Variants in MMP16 observed in about 807,000 individuals in gnomAD.
The protein encoded by MMP16 is matrix metalloproteinase-16.
MMP16 carries 12 observed loss-of-function variants against 67.8 expected under a neutral mutation model. The ratio of observed to expected loss-of-function variants is 0.18; its 90% confidence interval spans 0.11 to 0.29. MMP16 has a LOEUF of 0.29. Ranked by LOEUF, MMP16 falls within the 10% of genes least tolerant of loss-of-function variation. MMP16 has a pLI of 1.00. For synonymous variants in MMP16, 249 were observed against 255.9 expected (o/e 0.97, Z 0.26); for missense variants, 475 against 765.7 (o/e 0.62, Z 4.48).
intron 4 of MMP16, among the ~76,000 whole-genome samples, chr8:88,120,783 G>A (rs1319508845): frequency 1.3e-5 from 2 of 151,786 alleles, no homozygotes; most frequent in Non-Finnish European, 2.9e-5. Flanking sequence ...CAAAACTGAT[G>A]CAACTTCTTG....
chr8:88,322,623 G>A (rs757772585), intron 1 of MMP16, among the ~76,000 whole-genome samples: 12 of 151,680 alleles, frequency 7.9e-5, no homozygotes, highest in Non-Finnish European at 1.5e-4. Context: ...GAGCTCAGGA[G>A]TTTGAGACCA....
intron 3 of MMP16, among the ~76,000 whole-genome samples, chr8:88,170,089 T>A (rs1808775711): frequency 6.6e-6 from 1 of 152,148 alleles, no homozygotes; most frequent in African/African-American, 2.4e-5. Context: ...GTATTTTGGA[T>A]ATATTTTGAG....
At chr8:88,099,970 T>C (rs1809111362) in intron 6 of MMP16, among the ~76,000 whole-genome samples, 1 of 151,864 alleles carries the variant, frequency 6.6e-6, no homozygotes, top group Admixed American at 6.6e-5. Context: ...ACAAAGATTC[T>C]CCTCATACAG....
chr8:88,320,719 T>C (rs1811446068), intron 1 of MMP16, among the ~76,000 whole-genome samples: 1 of 152,160 alleles, frequency 6.6e-6, no homozygotes, highest in Non-Finnish European at 1.5e-5. Context: ...TAAACCAAGT[T>C]CTTCCAAGCC....
At chr8:88,187,742 T>C (rs757784832) in intron 2 of MMP16, among the ~76,000 whole-genome samples, 1 of 152,230 alleles carries the variant, frequency 6.6e-6, no homozygotes, top group African/African-American at 2.4e-5. Context: ...TAATAACTTT[T>C]ACTTCTTAAG....
At chr8:88,236,524 A>C (rs2129886981) in intron 1 of MMP16, among the ~76,000 whole-genome samples, 1 of 152,176 alleles carries the variant, frequency 6.6e-6, no homozygotes, top group Non-Finnish European at 1.5e-5. Context: ...TGGAGGCTGA[A>C]GGGGGCAGAT....
intron 8 of MMP16, among the ~76,000 whole-genome samples, chr8:88,053,161 C>T (rs763687594): frequency 1.4e-4 from 21 of 152,140 alleles, no homozygotes; most frequent in Non-Finnish European, 3.1e-4. Flanking sequence ...ATAGAATGTG[C>T]TGCCTCATGT....
chr8:88,246,499 T>C (rs551570970), intron 1 of MMP16, among the ~76,000 whole-genome samples: 10 of 152,308 alleles, frequency 6.6e-5, no homozygotes, highest in Admixed American at 5.2e-4. Context: ...GTTGAAAAGA[T>C]GTTATCAGTT....
At chr8:88,188,536 T>C (rs1002063268) in intron 2 of MMP16, among the ~76,000 whole-genome samples, 4 of 152,186 alleles carry the variant, frequency 2.6e-5, no homozygotes, top group Admixed American at 6.5e-5. Context: ...AATGAGGGTA[T>C]AGTCTCTAAA....
At chr8:88,294,434 A>G (rs1359885122) in intron 1 of MMP16, among the ~76,000 whole-genome samples, 1 of 151,348 alleles carries the variant, frequency 6.6e-6, no homozygotes, top group Non-Finnish European at 1.5e-5. Context: ...ACACATATGT[A>G]TATGTCTATA....
At chr8:88,042,723 C>T (rs935601441) in intron 9 of MMP16, among the ~76,000 whole-genome samples, 19 of 152,088 alleles carry the variant, frequency 1.2e-4, no homozygotes, top group African/African-American at 4.6e-4. Context: ...TTTTCTAAAA[C>T]ATTATGAATG....
intron 3 of MMP16, among the ~76,000 whole-genome samples, chr8:88,183,910 TA>T (rs757570490): frequency 2.6e-5 from 4 of 151,258 alleles, no homozygotes; most frequent in African/African-American, 7.3e-5. Flanking sequence ...AGTATTTATT[TA>T]TTTTTTTTTA....
intron 4 of MMP16, among the ~76,000 whole-genome samples, chr8:88,132,060 G>GAGGGA (rs1808038961): frequency 1.3e-5 from 2 of 151,726 alleles, no homozygotes; most frequent in Admixed American, 1.3e-4. Flanking sequence ...GCCTTGTCCT[G>GAGGGA]CTCTATTTTG....
intron 1 of MMP16, among the ~76,000 whole-genome samples, chr8:88,304,319 G>C (rs1199724508): frequency 6.6e-6 from 1 of 152,152 alleles, no homozygotes; most frequent in East Asian, 1.9e-4. Flanking sequence ...ACCTTCGACT[G>C]ACTGGTATAT....
intron 6 of MMP16, among the ~76,000 whole-genome samples, chr8:88,091,030 A>C (rs1361930382): frequency 6.6e-6 from 1 of 151,776 alleles, no homozygotes; most frequent in Non-Finnish European, 1.5e-5. Flanking sequence ...ACAGTAACTT[A>C]ATTTGGGGGC....
At chr8:88,088,087 T>TGTA (rs1808872235) in intron 6 of MMP16, among the ~76,000 whole-genome samples, 1 of 127,716 alleles carries the variant, frequency 7.8e-6, no homozygotes, top group African/African-American at 2.6e-5. Context: ...TATATCTATA[T>TGTA]ATAATAGATA....
chr8:88,041,609 G>C lies in MMP16; in HGVS notation c.1676C>G (p.Ala559Gly). Residue 559 changes from alanine to glycine, a missense_variant, in exon 10 of 10, where the codon GCC becomes GGC. Around this residue, in one of 5 missense-constraint regions of MMP16, gnomAD observed 80 missense variants for 93.4 expected, o/e 0.86. Transcript: ENST00000286614. The surrounding 1 kb of genome is among the most constrained non-coding windows in gnomAD (Gnocchi z 6.0). Reference protein sequence around the residue: ...VDIVIKLDNTASTVKAIAIVI... With the variant: ...VDIVIKLDNTGSTVKAIAIVI... ...AATAGCTATGGCTTTCACAGTGCTG[G>C]CTGTGTTGTCCAGTTTGATGACAAT... 6.2e-7 allele frequency: 1 copy of C among 1,614,166 alleles called. No individual in the cohort carries two copies. Among genetic ancestry groups the C allele is most frequent in the Non-Finnish European group, 8.5e-7 (1 of 1,180,014 alleles).
intron 2 of MMP16, among the ~76,000 whole-genome samples, chr8:88,191,147 G>T (rs57733012): frequency 0.035 from 5,312 of 151,824 alleles, 226 homozygotes; most frequent in African/African-American, 0.1. Flanking sequence ...AACTTAAAAA[G>T]AAAAAAAATC....
chr8:88,245,300 A>G (rs1810096637), intron 1 of MMP16, among the ~76,000 whole-genome samples: 1 of 152,178 alleles, frequency 6.6e-6, no homozygotes, highest in Admixed American at 6.6e-5. Flanking sequence ...TCCTCACTAT[A>G]AATATTTTAA....
Sources: allele counts gnomAD v4.1 joint callset (sites outside exome capture counted in the v4.1 genomes callset), GRCh38; gene constraint gnomAD v4.1.1; regional missense constraint gnomAD v4.1.1; non-coding constraint Gnocchi (gnomAD v3.1); transcripts MANE v1.5; gene names NCBI Gene and HGNC (gene_info 2026-07-23, HGNC 2026-07-21).